Variants in NDRG1 observed in about 807,000 individuals in gnomAD.
NDRG1 encodes the protein N-myc downstream regulated 1.
Under a neutral mutation model 56.9 loss-of-function variants are expected in NDRG1, and 32 were observed. The observed-to-expected ratio is 0.56, with a 90% CI of 0.42 to 0.76. The LOEUF is 0.76. NDRG1 is among the 30% of genes least tolerant of loss of function. The probability of loss-of-function intolerance (pLI) is 0.00; values close to 1 mark genes in which losing one functional copy is unlikely to be tolerated. For missense variants in NDRG1, 507 were observed against 545.7 expected (o/e 0.93, Z 0.71); for synonymous variants, 211 against 204.1 (o/e 1.03, Z -0.29).
chr8:133,272,669 C>T (rs1857253680), intron 3 of NDRG1, among the ~76,000 whole-genome samples: 1 of 152,146 alleles, frequency 6.6e-6, no homozygotes, highest in Non-Finnish European at 1.5e-5. Context: ...AGCAGAATTG[C>T]AGAAGTATGC....
chr8:133,284,008 G>A (rs1463386348), intron 2 of NDRG1, among the ~76,000 whole-genome samples: 1 of 152,232 alleles, frequency 6.6e-6, no homozygotes, highest in African/African-American at 2.4e-5. Flanking sequence ...TTGAACCAGA[G>A]CCTCTCACAA....
intron 3 of NDRG1, among the ~76,000 whole-genome samples, chr8:133,271,312 A>G (rs1409957759): frequency 2.0e-5 from 3 of 152,168 alleles, no homozygotes; most frequent in Non-Finnish European, 2.9e-5. Flanking sequence ...GAAGCTGACT[A>G]TGGCTCATCA....
At chr8:133,258,985 C>T in intron 6 of NDRG1, 183 bp downstream of exon 6, 1 of 693,422 alleles carries the variant, frequency 1.4e-6, no homozygotes, top group Non-Finnish European at 2.6e-6. Flanking sequence ...TTAGAGGAGA[C>T]AGACTAGAGC....
intron 8 of NDRG1, chr8:133,255,778 CA>C: frequency 6.0e-6 from 1 of 165,304 alleles, no homozygotes; most frequent in Non-Finnish European, 1.3e-5. Flanking sequence ...CAAAATTGGG[CA>C]AAAATGCACT....
chr8:133,294,674 G>A (rs868042616), intron 1 of NDRG1, among the ~76,000 whole-genome samples: 1 of 145,096 alleles, frequency 6.9e-6, no homozygotes, highest in African/African-American at 2.6e-5. Flanking sequence ...TCTGTCATGG[G>A]GGGGGGGCAG....
chr8:133,292,274 G>A lies in NDRG1; in HGVS notation c.-19+4860C>T, dbSNP rs570131847. The stretch of plus-strand genomic sequence containing the variant: ...TTCCTCATACAGAACCCTTTGTCCC[G>A]AGATGGGATGCTAGCCACGCTAACA... On this transcript the variant is annotated intron_variant, in intron 1 of 15. Coordinates refer to ENST00000323851, the MANE Select transcript of NDRG1 (RefSeq NM_006096.4). 9.9e-5 allele frequency among the ~76,000 whole-genome samples: 15 copies of A among 152,274 alleles called. No individual in the cohort carries two copies. In the East Asian group the frequency reaches 1.7e-3, roughly 18 times the overall value.
chr8:133,267,781 C>T (rs1357336998), intron 3 of NDRG1, among the ~76,000 whole-genome samples: 3 of 152,178 alleles, frequency 2.0e-5, no homozygotes, highest in African/African-American at 7.2e-5. Flanking sequence ...ACCTCCGAGC[C>T]TCCAGGTCCT....
intron 15 of NDRG1, chr8:133,240,309 C>A (rs1855309616): frequency 6.6e-6 from 1 of 152,170 alleles, no homozygotes; most frequent in Non-Finnish European, 1.5e-5. Context: ...GGCAGTTGAT[C>A]CACACCAAGC....
chr8:133,266,198 G>T (rs1856910490), intron 3 of NDRG1, among the ~76,000 whole-genome samples: 1 of 152,226 alleles, frequency 6.6e-6, no homozygotes, highest in South Asian at 2.1e-4. Context: ...CCTCCGCGGG[G>T]CCCCAGGCTT....
Position 133,238,934 on chromosome 8 carries a change from TG to T in NDRG1, c.1128del (p.Asn377ThrfsTer100). The T allele has an allele frequency of 1.3e-6, 2 of 1,568,716 alleles. No homozygotes were observed. The highest frequency in any genetic ancestry group is 8.6e-7 in the Non-Finnish European group (1 of 1,157,468). ...GCGCTGTTCCCAGCAGCACCCGAGT[TG>T]GGGGTGATGTCCAGGTGGGCCCCCT... Reference protein sequence around the residue: ...TSEGAHLDITPNSGAAGNSAG... With the variant: ...TSEGAHLDITXNSGAAGNSAG... On this transcript the variant is annotated frameshift_variant, in exon 16 of 16. Transcript: ENST00000323851. LOFTEE classifies it high-confidence loss of function.
intron 1 of NDRG1, chr8:133,296,902 G>C: frequency 5.0e-6 from 1 of 198,186 alleles, no homozygotes; most frequent in South Asian, 6.2e-5. Flanking sequence ...AGATGAATGG[G>C]ACCCTGTCTT....
chr8:133,257,596 A>G (rs970808400), intron 7 of NDRG1, among the ~76,000 whole-genome samples: 3 of 152,240 alleles, frequency 2.0e-5, no homozygotes, highest in Admixed American at 6.5e-5. Flanking sequence ...AAAATGGTAC[A>G]GTAAAAATGA....
At chr8:133,286,064 C>A (rs186782299) in intron 1 of NDRG1, among the ~76,000 whole-genome samples, 1 of 152,332 alleles carries the variant, frequency 6.6e-6, no homozygotes, top group East Asian at 1.9e-4. Flanking sequence ...AGTCAGGGGG[C>A]TCTCACTGTC....
chr8:133,271,474 T>C (rs762592678), intron 3 of NDRG1, among the ~76,000 whole-genome samples: 1 of 152,052 alleles, frequency 6.6e-6, no homozygotes, highest in Non-Finnish European at 1.5e-5. Context: ...CCTATGCCCA[T>C]GGAGGAGGAG....
intron 3 of NDRG1, among the ~76,000 whole-genome samples, chr8:133,269,475 C>T (rs1175369455): frequency 6.6e-6 from 1 of 152,192 alleles, no homozygotes; most frequent in African/African-American, 2.4e-5. Flanking sequence ...TGCATCTTAC[C>T]CCATGCCTGC....
intron 3 of NDRG1, among the ~76,000 whole-genome samples, chr8:133,266,696 C>T (rs1856937816): frequency 6.6e-6 from 1 of 152,180 alleles, no homozygotes; most frequent in South Asian, 2.1e-4. Flanking sequence ...TAAGGCAGTT[C>T]AATTTCATCT....
chr8:133,262,121 C>G lies in NDRG1; in HGVS notation c.252G>C (p.Glu84Asp), dbSNP rs1856690191. The G allele has an allele frequency of 6.2e-7, 1 of 1,613,996 alleles. No homozygotes were observed. Among genetic ancestry groups the G allele is most frequent in the African/African-American group, 1.3e-5 (1 of 74,918 alleles). The change falls in exon 5 of 16, where the codon GAG becomes GAC. Residue 84 changes from glutamate to aspartate, a missense_variant. Transcript: ENST00000323851. ...GGCAGACGGCAAAGTGCTGGGTGAT[C>G]TCCTGCATGTCCTCGTAGTTGAAGA... ...NPLFNYEDMQ[E>D]ITQHFAVCHV... is the part of the protein sequence containing the mutation.
intron 12 of NDRG1, 101 bp from the exon 13 acceptor site, chr8:133,246,764 T>G (rs1461025330): frequency 3.7e-6 from 4 of 1,080,332 alleles, no homozygotes; most frequent in Non-Finnish European, 5.8e-6. Context: ...GAAACTCCAG[T>G]ATTTCTGCTG....
chr8:133,254,449 T>A, intron 9 of NDRG1, 90 bp downstream of exon 9: 1 of 1,397,266 alleles, frequency 7.2e-7, no homozygotes, highest in South Asian at 1.2e-5. Context: ...TGTGTCTTGT[T>A]CTCTCCACCC....
Sources: gnomAD v4.1 joint callset for allele counts (sites outside exome capture counted in the v4.1 genomes callset) on GRCh38, gnomAD v4.1.1 for gene constraint, MANE v1.5 for transcripts, NCBI Gene and HGNC (gene_info 2026-07-23, HGNC 2026-07-21) for gene names.